Variants in NUTF2 observed in about 807,000 individuals in gnomAD.
NUTF2 encodes nuclear transport factor 2.
A neutral mutation model predicts 18.5 loss-of-function variants in NUTF2; 3 were observed. That is an observed-to-expected ratio of 0.16 (90% CI 0.07 to 0.42). NUTF2 has a LOEUF of 0.42. Among genes scored for constraint, NUTF2 ranks in the 10% least tolerant of loss-of-function variants. The pLI is 0.99. For synonymous variants in NUTF2, 51 were observed against 57.9 expected (o/e 0.88, Z 0.54); for missense variants, 44 against 160.7 (o/e 0.27, Z 3.93).
At chr16:67,868,994 A>G (rs1463536979) in intron 4 of NUTF2, among the ~76,000 whole-genome samples, 1 of 151,976 alleles carries the variant, frequency 6.6e-6, no homozygotes, top group Non-Finnish European at 1.5e-5. Context: ...GCGGAGAGGC[A>G]GTCCACTCCT....
At chr16:67,865,635 T>A (rs60351423) in intron 2 of NUTF2, among the ~76,000 whole-genome samples, 1,649 of 152,172 alleles carry the variant, frequency 0.011, 35 homozygotes, top group African/African-American at 0.038. Flanking sequence ...GGCTCCTGAA[T>A]GCTCATGGAA....
chr16:67,863,985 A>G (rs1303859994), intron 1 of NUTF2, among the ~76,000 whole-genome samples: 1 of 152,120 alleles, frequency 6.6e-6, no homozygotes, highest in Non-Finnish European at 1.5e-5. Flanking sequence ...CAATGCTGGG[A>G]TGAGGGGATA....
chr16:67,869,678 G>T (rs564738166), intron 4 of NUTF2, among the ~76,000 whole-genome samples: 2 of 152,126 alleles, frequency 1.3e-5, no homozygotes, highest in Admixed American at 1.3e-4. Context: ...CCATCTACAC[G>T]GGAGGCTGCG....
chr16:67,857,541 T>G (rs2057905911), intron 1 of NUTF2, among the ~76,000 whole-genome samples: 1 of 152,146 alleles, frequency 6.6e-6, no homozygotes, highest in Non-Finnish European at 1.5e-5. Context: ...ATACCTACCT[T>G]CTTCCTAGCT....
chr16:67,869,084 CT>C (rs71721636), intron 4 of NUTF2, among the ~76,000 whole-genome samples: 33,362 of 135,620 alleles, frequency 0.25, 4,439 homozygotes, highest in African/African-American at 0.44. Context: ...ACTCCTATTT[CT>C]TTTTTTTTTT....
At chr16:67,862,091 T>A (rs746808732) in intron 1 of NUTF2, among the ~76,000 whole-genome samples, 59 of 152,106 alleles carry the variant, frequency 3.9e-4, no homozygotes, top group Admixed American at 8.5e-4. Flanking sequence ...GATGGCCACC[T>A]GTGGAGCTTA....
chr16:67,848,475 C>T (rs565523088), intron 1 of NUTF2, among the ~76,000 whole-genome samples: 1 of 152,170 alleles, frequency 6.6e-6, no homozygotes, highest in Admixed American at 6.6e-5. Context: ...CCTAGCTACT[C>T]AGGAGACTGA....
chr16:67,855,498 G>A (rs1256350356), intron 1 of NUTF2, among the ~76,000 whole-genome samples: 1 of 152,202 alleles, frequency 6.6e-6, no homozygotes. Flanking sequence ...CTGCTATGGG[G>A]ATAGGGAACC....
At chr16:67,854,998 C>T (rs1453813928) in intron 1 of NUTF2, among the ~76,000 whole-genome samples, 1 of 150,826 alleles carries the variant, frequency 6.6e-6, no homozygotes, top group East Asian at 1.9e-4. Context: ...GAACCTTGTG[C>T]TGGGTGCTGG....
At chr16:67,851,969 CTG>C (rs749107936) in intron 1 of NUTF2, among the ~76,000 whole-genome samples, 2 of 152,126 alleles carry the variant, frequency 1.3e-5, no homozygotes, top group East Asian at 1.9e-4. Flanking sequence ...TGAGCTGAGA[CTG>C]TGCCATTGCG....
intron 1 of NUTF2, among the ~76,000 whole-genome samples, chr16:67,848,430 A>G (rs2057824825): frequency 6.6e-6 from 1 of 152,138 alleles, no homozygotes; most frequent in Admixed American, 6.5e-5. Context: ...TAAAAATACA[A>G]AAATTAGCTG....
chr16:67,866,137 G>A (rs1016449217), intron 2 of NUTF2, among the ~76,000 whole-genome samples: 2 of 152,164 alleles, frequency 1.3e-5, no homozygotes, highest in African/African-American at 4.8e-5. Flanking sequence ...GGGGTGTTAG[G>A]AGTAATCCAG....
rs1175527492 is a variant in NUTF2 at position 67,870,918 on chromosome 16, C to T, written c.*5C>T. On this transcript the variant is annotated 3_prime_UTR_variant, in exon 5 of 5. Transcript: ENST00000219169. ...GCCCTGCACAACTTTGGCTGACCTC[C>T]TCTCAGCTAGGCACTCACGCTGTTT... 3 of 1,603,804 alleles carry T rather than the reference C, an allele frequency of 1.9e-6. No homozygotes were observed. Among genetic ancestry groups the T allele is most frequent in the South Asian group, 1.1e-5 (1 of 90,884 alleles).
At chr16:67,854,772 C>T (rs1004392256) in intron 1 of NUTF2, among the ~76,000 whole-genome samples, 1 of 152,128 alleles carries the variant, frequency 6.6e-6, no homozygotes, top group Admixed American at 6.5e-5. Flanking sequence ...TATGGCAAAA[C>T]CCCGTCTCTA....
chr16:67,869,444 A>G (rs1416221949), intron 4 of NUTF2, among the ~76,000 whole-genome samples: 2 of 151,682 alleles, frequency 1.3e-5, no homozygotes, highest in Admixed American at 1.3e-4. Flanking sequence ...GTGGTCCCTC[A>G]GACCCCCCAA....
chr16:67,850,273 C>G (rs1449985008), intron 1 of NUTF2, among the ~76,000 whole-genome samples: 1 of 150,244 alleles, frequency 6.7e-6, no homozygotes, highest in Non-Finnish European at 1.5e-5. Context: ...GGCGCGATCT[C>G]GGCTCACTGC....
chr16:67,855,919 T>A, intron 1 of NUTF2: 1 of 623,008 alleles, frequency 1.6e-6, no homozygotes, highest in Non-Finnish European at 2.7e-6. Context: ...TGAGAATAAC[T>A]TTATTTCATT....
intron 1 of NUTF2, among the ~76,000 whole-genome samples, chr16:67,862,767 C>CA (rs1280922112): frequency 6.6e-6 from 1 of 152,146 alleles, no homozygotes; most frequent in Non-Finnish European, 1.5e-5. Context: ...TCCTGGAGGT[C>CA]AAGGCTACAG....
chr16:67,850,066 A>C (rs1856303921), intron 1 of NUTF2, among the ~76,000 whole-genome samples: 1 of 152,146 alleles, frequency 6.6e-6, no homozygotes, highest in African/African-American at 2.4e-5. Flanking sequence ...TGCTGGGATT[A>C]CAGATGTGAA....
Sources: gnomAD v4.1 joint callset for allele counts (sites outside exome capture counted in the v4.1 genomes callset) on GRCh38, gnomAD v4.1.1 for gene constraint, MANE v1.5 for transcripts, NCBI Gene and HGNC (gene_info 2026-07-23, HGNC 2026-07-21) for gene names.